Variants in GAS2L3 observed in about 807,000 individuals in gnomAD.
The protein encoded by GAS2L3 is GAS2-like protein 3.
In GAS2L3, 28 loss-of-function variants were observed where a neutral mutation model predicts 37.0. The observed-to-expected ratio is 0.76, with a 90% confidence interval of 0.56 to 1.04. The LOEUF is 1.04. Ranked by LOEUF, GAS2L3 falls within the 50% of genes least tolerant of loss-of-function variation. GAS2L3 has a pLI of 0.00. For missense variants in GAS2L3, 793 were observed against 817.6 expected (o/e 0.97, Z 0.37); for synonymous variants, 290 against 296.6 (o/e 0.98, Z 0.23).
intron 2 of GAS2L3, 25 bp from the exon 3 acceptor site, chr12:100,594,850 T>TGTTA: frequency 1.1e-6 from 1 of 916,774 alleles, no homozygotes; most frequent in Admixed American, 3.0e-5. Flanking sequence ...GTTAACTGTA[T>TGTTA]GTTAATATTT....
At chr12:100,603,429 G>C (rs1956017359) in intron 5 of GAS2L3, among the ~76,000 whole-genome samples, 2 of 152,044 alleles carry the variant, frequency 1.3e-5, no homozygotes, top group African/African-American at 4.8e-5. Context: ...TTTGCCATTT[G>C]TGTGTCTTTT....
At chr12:100,593,664 A>T (rs966156916) in intron 2 of GAS2L3, 11 of 152,060 alleles carry the variant, frequency 7.2e-5, no homozygotes, top group African/African-American at 1.2e-4. Context: ...CTGCATTTTT[A>T]AAAAATGGTC....
chr12:100,624,819 C>A lies in GAS2L3; in HGVS notation c.2014C>A (p.Pro672Thr). 6.2e-7 allele frequency: 1 copy of A among 1,612,896 alleles called. No homozygotes were observed. The highest frequency in any genetic ancestry group is 1.1e-5 in the South Asian group (1 of 90,908). The change falls in exon 10 of 10, where the codon CCT becomes ACT. Residue 672 changes from proline (P) to threonine (T), a missense_variant. Coordinates refer to ENST00000547754, the MANE Select transcript of GAS2L3 (RefSeq NM_174942.3). The part of the protein sequence containing the change: ...VKDADSGDKK[P>T]TAKKKEDDDH... ...GGATGCAGATAGTGGAGATAAAAAACCTACTGCAAAGAAAAAGGAAGATGA... is the reference window on the plus strand; with the variant it reads ...GGATGCAGATAGTGGAGATAAAAAAACTACTGCAAAGAAAAAGGAAGATGA...
chr12:100,578,825 C>T (rs185712047), intron 1 of GAS2L3: 34 of 677,340 alleles, frequency 5.0e-5, no homozygotes, highest in African/African-American at 1.8e-4. Flanking sequence ...TCTTTACACA[C>T]GTAGAACCCA....
At chr12:100,578,175 G>A (rs1293361925) in intron 1 of GAS2L3, among the ~76,000 whole-genome samples, 1 of 152,208 alleles carries the variant, frequency 6.6e-6, no homozygotes, top group African/African-American at 2.4e-5. Context: ...AACTAGAGGA[G>A]TGGCTGTAGG....
chr12:100,579,590 G>T, intron 1 of GAS2L3: 1 of 773,008 alleles, frequency 1.3e-6, no homozygotes, highest in Non-Finnish European at 2.4e-6. Context: ...TGCATGACAG[G>T]GTGCATCTTT....
intron 1 of GAS2L3, among the ~76,000 whole-genome samples, chr12:100,577,204 CT>C (rs979128180): frequency 6.6e-6 from 1 of 152,110 alleles, no homozygotes; most frequent in Non-Finnish European, 1.5e-5. Context: ...CTGTGTTATT[CT>C]TTGAAGTGGT....
rs200293372 is a variant in GAS2L3, at chr12:100,618,618, T to C, written c.648+31T>C. 4.4e-6 allele frequency: 7 copies of C among 1,584,814 alleles called. No individual in the cohort carries two copies. The East Asian group carries it at 1.6e-4, about 36-fold the overall frequency. Reference sequence around the variant, plus strand: ...TAGTTGCCACACTTTCTTTTGACCATGATACCTTGAAGTCTCATAGTTTTA... The same window carrying C: ...TAGTTGCCACACTTTCTTTTGACCACGATACCTTGAAGTCTCATAGTTTTA... On this transcript the variant is annotated intron_variant, in intron 8 of 9. Transcript: ENST00000547754.
chr12:100,588,741 T>G lies in GAS2L3; in HGVS notation c.-151-2995T>G, dbSNP rs1260869913. On this transcript the variant is annotated intron_variant, in intron 1 of 9. Coordinates refer to ENST00000547754, the MANE Select transcript of GAS2L3 (RefSeq NM_174942.3). The stretch of plus-strand genomic sequence containing the variant: ...TTCCCAGAGCAGCCATTTATAGACC[T>G]CCCCCCAGGAACGTATTCCTTTCCC... 3.3e-5 allele frequency among the ~76,000 whole-genome samples: 5 copies of G among 151,900 alleles called. No homozygotes were observed. The South Asian group carries it at 6.2e-4, about 19-fold the overall frequency.
chr12:100,613,110 A>C (rs1956145989), intron 6 of GAS2L3, among the ~76,000 whole-genome samples: 1 of 152,216 alleles, frequency 6.6e-6, no homozygotes, highest in African/African-American at 2.4e-5. Context: ...TAGTTGATGT[A>C]ATGGCACATC....
chr12:100,626,226 GA>G lies in GAS2L3; in HGVS notation c.*1343del, dbSNP rs954870388. 6 of 152,090 alleles carry G rather than the reference GA, an allele frequency of 3.9e-5. No homozygotes were observed. Among genetic ancestry groups the G allele is most frequent in the African/African-American group, 1.2e-4 (5 of 41,442 alleles). The allele number at this position is 152,090 out of a possible 1,614,324, so 9.4% of individuals were successfully genotyped here. On this transcript the variant is annotated 3_prime_UTR_variant, in exon 10 of 10. Transcript: ENST00000547754. ...TTTAAACTAAAATGTGTTTTCTGAA[GA>G]AAAAAATAATAGTTTACACAAATGT...
At chr12:100,613,584 A>AT (rs1956151644) in intron 6 of GAS2L3, among the ~76,000 whole-genome samples, 1 of 151,514 alleles carries the variant, frequency 6.6e-6, no homozygotes, top group Non-Finnish European at 1.5e-5. Context: ...TCAAAGAACA[A>AT]TTACCATTTC....
intron 1 of GAS2L3, among the ~76,000 whole-genome samples, chr12:100,587,845 G>A (rs1206064818): frequency 2.6e-5 from 4 of 152,178 alleles, no homozygotes; most frequent in Non-Finnish European, 5.9e-5. Flanking sequence ...AGGGTCAGGA[G>A]ATCAAGACCA....
chr12:100,585,423 T>G (rs1165125837), intron 1 of GAS2L3, among the ~76,000 whole-genome samples: 2 of 151,680 alleles, frequency 1.3e-5, no homozygotes, highest in Non-Finnish European at 2.9e-5. Context: ...ACCTGGCTAA[T>G]TTTTGTATTT....
intron 8 of GAS2L3, among the ~76,000 whole-genome samples, chr12:100,621,846 G>A (rs1049858436): frequency 1.5e-5 from 2 of 130,348 alleles, no homozygotes; most frequent in South Asian, 2.8e-4. Context: ...TTATATGTTC[G>A]AAGATGAAGG....
chr12:100,596,257 C>A (rs1955910542), intron 3 of GAS2L3, among the ~76,000 whole-genome samples: 1 of 152,036 alleles, frequency 6.6e-6, no homozygotes, highest in Non-Finnish European at 1.5e-5. Context: ...TTCTATTCAT[C>A]CCCTTTTTAT....
intron 5 of GAS2L3, among the ~76,000 whole-genome samples, chr12:100,611,712 T>G (rs1956128818): frequency 6.6e-6 from 1 of 152,090 alleles, no homozygotes; most frequent in South Asian, 2.1e-4. Context: ...CCATCGCTGA[T>G]CTGACAGGCA....
In GAS2L3 at chr12:100,627,116, A is replaced by G. The variant is rs187930738; in HGVS notation, c.*2226A>G. On this transcript the variant is annotated 3_prime_UTR_variant, in exon 10 of 10. Transcript: ENST00000547754. ...AAAAAAAAAAAAAGAAAAAGAAAAG[A>G]AAAAGGTTTATTTGAATAATTGGAA... Among the ~76,000 whole-genome samples the G allele has an allele frequency of 3.0e-4, 45 of 151,804 alleles. No individual in the cohort carries two copies. The highest frequency in any genetic ancestry group is 1.1e-3 in the African/African-American group (45 of 41,442).
intron 1 of GAS2L3, among the ~76,000 whole-genome samples, chr12:100,590,530 G>T (rs1032846737): frequency 6.6e-6 from 1 of 152,154 alleles, no homozygotes; most frequent in Non-Finnish European, 1.5e-5. Context: ...AGAACTAAAA[G>T]TAGAACTACC....
Sources: allele counts gnomAD v4.1 joint callset (sites outside exome capture counted in the v4.1 genomes callset), GRCh38; gene constraint gnomAD v4.1.1; transcripts MANE v1.5; gene names NCBI Gene and HGNC (gene_info 2026-07-23, HGNC 2026-07-21).